The following MT3 variants were observed in gnomAD, a reference collection of about 807,000 sequenced individuals.
The protein encoded by MT3 is metallothionein 3.
Under a neutral mutation model 10.9 loss-of-function variants are expected in MT3, and 8 were observed. The observed-to-expected ratio is 0.73, with a 90% CI of 0.43 to 1.33. The LOEUF is 1.33. Among genes scored for constraint, MT3 ranks in the 40% most tolerant of loss-of-function variants. The pLI, the probability that MT3 is intolerant of heterozygous loss-of-function variation, is 0.01. For synonymous variants in MT3, 32 were observed against 29.9 expected (o/e 1.07, Z -0.23); for missense variants, 75 against 83.9 (o/e 0.89, Z 0.41).
At chr16:56,590,198 G>A in intron 2 of MT3, 3 of 637,540 alleles carry the variant, frequency 4.7e-6, no homozygotes, top group Non-Finnish European at 5.7e-6. Flanking sequence ...TGCCACACTG[G>A]TCCAACCTTT....
chr16:56,589,968 C>T lies in MT3; in HGVS notation c.97+33C>T, dbSNP rs748633242. On this transcript the variant is annotated intron_variant, in intron 2 of 2. Transcript: ENST00000200691. ...CGGGGACCCTTCCCCTCTGCCGCCGCCCCCTCTGCTCTGCGGAGTCGGTGT... is the reference window on the plus strand; with the variant it reads ...CGGGGACCCTTCCCCTCTGCCGCCGTCCCCTCTGCTCTGCGGAGTCGGTGT... 3 of 1,609,498 alleles carry T rather than the reference C, an allele frequency of 1.9e-6. No homozygotes were observed. In the Admixed American group the frequency reaches 5.0e-5, roughly 27 times the overall value.
chr16:56,590,238 A>C, intron 2 of MT3: 1 of 604,070 alleles, frequency 1.7e-6, no homozygotes, highest in African/African-American at 1.8e-5. Context: ...ACTCCCCAAA[A>C]CCTGGGGAAG....
At chr16:56,589,792 G>C in intron 1 of MT3, 78 bp from the exon 2 acceptor site, 1 of 1,585,352 alleles carries the variant, frequency 6.3e-7, no homozygotes, top group Non-Finnish European at 8.7e-7. Context: ...GGGAGACTTG[G>C]CACCCCATCT....
intron 1 of MT3, 82 bp from the exon 2 acceptor site, chr16:56,589,788 C>T (rs534847431): frequency 6.3e-7 from 1 of 1,582,042 alleles, no homozygotes; most frequent in Admixed American, 1.7e-5. Context: ...AACAGGGAGA[C>T]TTGGCACCCC....
rs747041781 is a variant in MT3 at position 56,589,568 on chromosome 16, C to T, written c.-23C>T. ...TTGCTTGGAGAAGCCCGTTCACCGC[C>T]TCCAGCTGCTGCTCTCCTCGACATG... On this transcript the variant is annotated 5_prime_UTR_variant, in exon 1 of 3. Coordinates refer to ENST00000200691, the MANE Select transcript of MT3 (RefSeq NM_005954.4). 1 of 1,556,540 alleles carries T rather than the reference C, an allele frequency of 6.4e-7. No homozygotes were observed. Among genetic ancestry groups the T allele is most frequent in the South Asian group, 1.2e-5 (1 of 83,918 alleles).
intron 2 of MT3, chr16:56,590,636 C>T: frequency 1.7e-6 from 1 of 588,624 alleles, no homozygotes; most frequent in Non-Finnish European, 3.0e-6. Flanking sequence ...TTCCTGGGTA[C>T]CTCACTCCTG....
chr16:56,591,037 C>T lies in MT3; in HGVS notation c.*88C>T. 1 of 1,056,316 alleles carries T rather than the reference C, an allele frequency of 9.5e-7. No homozygotes were observed. Among genetic ancestry groups the T allele is most frequent in the Non-Finnish European group, 1.4e-6 (1 of 698,216 alleles). 65.4% of individuals were successfully genotyped at this position (1,056,316 alleles called of 1,614,324 possible). A position where few individuals can be genotyped will look rare whatever the true frequency, so the allele number is the denominator to read the frequency against. ...CTGTGGTGAAGTGTGGCTGGTGTCC[C>T]CTTCCCCTGCTGACCTTGGAGGAAT... On this transcript the variant is annotated 3_prime_UTR_variant, in exon 3 of 3. Transcript: ENST00000200691.
Position 56,589,535 on chromosome 16 carries a change from G to A in MT3, c.-56G>A, listed in dbSNP as rs1567334487. On this transcript the variant is annotated 5_prime_UTR_variant, in exon 1 of 3. Transcript: ENST00000200691. ...CACCTGCTGCCACTAGCCAAGCCGC[G>A]CGTCCAGTTGCTTGGAGAAGCCCGT... is the stretch of plus-strand genomic sequence containing the variant. 3.3e-6 allele frequency: 5 copies of A among 1,515,894 alleles called. No individual in the cohort carries two copies. The highest frequency in any genetic ancestry group is 1.3e-5 in the South Asian group (1 of 76,740). The allele number at this position is 1,515,894 out of a possible 1,614,324, so 93.9% of individuals were successfully genotyped here.
chr16:56,589,614 C>T lies in MT3; in HGVS notation c.24C>T (p.Cys8=), dbSNP rs1959796362. ...ACATGGACCCTGAGACCTGCCCCTG[C>T]CCTTCTGGTGAGCCCCCGCCCCCGC... is the stretch of plus-strand genomic sequence containing the variant. MDPETCP[C]PSGGSCTCAD... Residue 8 remains cysteine, a synonymous_variant, in exon 1 of 3, where the codon TGC becomes TGT. Coordinates refer to ENST00000200691, the MANE Select transcript of MT3 (RefSeq NM_005954.4). The T allele has an allele frequency of 1.2e-6, 2 of 1,605,206 alleles. No homozygotes were observed. Among genetic ancestry groups the T allele is most frequent in the African/African-American group, 1.3e-5 (1 of 75,036 alleles).
intron 1 of MT3, 45 bp from the exon 2 acceptor site, chr16:56,589,825 C>G: frequency 1.2e-6 from 2 of 1,609,060 alleles, no homozygotes; most frequent in South Asian, 1.1e-5. Context: ...CGTGGGGACC[C>G]GAGTTCGTCC....
intron 2 of MT3, 101 bp downstream of exon 2, chr16:56,590,036 G>A: frequency 1.5e-6 from 2 of 1,319,570 alleles, no homozygotes; most frequent in South Asian, 1.2e-5. Context: ...CCCCGATCCC[G>A]TGGTTTCTGA....
rs754570773 is a variant in MT3, at chr16:56,590,861, C to T, written c.119C>T (p.Ala40Val). Reference sequence around the variant, plus strand: ...GCAGGCTGCTGCTCCTGCTGCCCTGCGGAGTGTGAGAAGTGTGCCAAGGAC... The same window carrying T: ...GCAGGCTGCTGCTCCTGCTGCCCTGTGGAGTGTGAGAAGTGTGCCAAGGAC... ...CKKSCCSCCP[A>V]ECEKCAKDCV... is the part of the protein sequence containing the mutation. The change falls in exon 3 of 3, where the codon GCG becomes GTG. Residue 40 changes from alanine to valine, a missense_variant. By Grantham distance (64) the Ala-to-Val change is moderately conservative. Coordinates refer to ENST00000200691, the MANE Select transcript of MT3 (RefSeq NM_005954.4). The T allele has an allele frequency of 5.0e-6, 8 of 1,613,814 alleles. No homozygotes were observed. The highest frequency in any genetic ancestry group is 4.5e-5 in the East Asian group (2 of 44,880).
At chr16:56,590,656 A>C in intron 2 of MT3, 184 bp from the exon 3 acceptor site, 4 of 611,970 alleles carry the variant, frequency 6.5e-6, no homozygotes, top group Non-Finnish European at 1.2e-5. Flanking sequence ...GTGGAGGTGC[A>C]GGATGCCACT....
chr16:56,591,007 TA>T lies in MT3; in HGVS notation c.*59del. 2.8e-6 allele frequency: 4 copies of T among 1,453,108 alleles called. No individual in the cohort carries two copies. Among genetic ancestry groups the T allele is most frequent in the Non-Finnish European group, 3.8e-6 (4 of 1,047,640 alleles). The allele number at this position is 1,453,108 out of a possible 1,614,324, so 90.0% of individuals were successfully genotyped here. On this transcript the variant is annotated 3_prime_UTR_variant, in exon 3 of 3. Transcript: ENST00000200691. ...TAGTGCCAGGTGGCTCAGTGCCACC[TA>T]TGCCTGTGGTGAAGTGTGGCTGGTG...
chr16:56,590,059 T>C (rs1387151558), intron 2 of MT3, 124 bp downstream of exon 2: 1 of 993,206 alleles, frequency 1.0e-6, no homozygotes, highest in East Asian at 2.5e-5. Flanking sequence ...CTTGCTGGAA[T>C]AGAACCACCC....
In MT3 at chr16:56,589,685, C is replaced by A. The variant is rs45457394; in HGVS notation, c.31+64C>A. ...GCCCTTGTACCTGCAAAGAAACCCA[C>A]GCCCTGCGCCTTCGCTCAAGGACAC... On this transcript the variant is annotated intron_variant, in intron 1 of 2. Coordinates refer to ENST00000200691, the MANE Select transcript of MT3 (RefSeq NM_005954.4). The A allele has an allele frequency of 5.3e-4, 853 of 1,603,508 alleles. 19 individuals carry two copies. The East Asian group carries it at 0.019, about 35-fold the overall frequency.
chr16:56,589,773 C>A, intron 1 of MT3, 97 bp from the exon 2 acceptor site: 1 of 1,576,860 alleles, frequency 6.3e-7, no homozygotes, highest in Non-Finnish European at 8.7e-7. Context: ...GCCTGTGTCG[C>A]GGAGAACAGG....
intron 2 of MT3, 65 bp downstream of exon 2, chr16:56,590,000 A>C: frequency 6.4e-7 from 1 of 1,560,006 alleles, no homozygotes; most frequent in Non-Finnish European, 8.8e-7. Flanking sequence ...GTGTCTCACC[A>C]CGCAGGATGT....
chr16:56,590,835 T>G lies in MT3; in HGVS notation c.98-5T>G. The G allele has an allele frequency of 6.2e-7, 1 of 1,613,014 alleles. No homozygotes were observed. On this transcript the variant is annotated splice_region_variant and splice_polypyrimidine_tract_variant and intron_variant, in intron 2 of 2. Coordinates refer to ENST00000200691, the MANE Select transcript of MT3 (RefSeq NM_005954.4). ...GAGAGTGGTCATCTTCCATTTTATC[T>G]GCAGGCTGCTGCTCCTGCTGCCCTG...
Sources: gnomAD v4.1 joint callset for allele counts on GRCh38, gnomAD v4.1.1 for gene constraint, MANE v1.5 for transcripts, NCBI Gene and HGNC (gene_info 2026-07-23, HGNC 2026-07-21) for gene names.